Variants in RSPH14 observed in about 807,000 individuals in gnomAD.
RSPH14 encodes radial spoke head 14 homolog, also known as rhabdoid tumor deletion region gene 1.
Under a neutral mutation model 26.7 loss-of-function variants are expected in RSPH14, and 20 were observed. That is an observed-to-expected ratio of 0.75 (90% CI 0.53 to 1.09). RSPH14 has a LOEUF of 1.09. RSPH14 is among the 50% of genes least tolerant of loss of function. RSPH14 has a pLI of 0.00. For missense variants in RSPH14, 449 were observed against 457.2 expected, an observed-to-expected ratio of 0.98 and a Z score of 0.16; for synonymous variants, 177 against 189.3, an observed-to-expected ratio of 0.93 and a Z score of 0.53.
chr22:23,104,181 T>C (rs1045685892), intron 4 of RSPH14, among the ~76,000 whole-genome samples: 14 of 152,138 alleles, frequency 9.2e-5, no homozygotes, highest in Non-Finnish European at 1.5e-5. Flanking sequence ...CACAGAGCTA[T>C]GCACAGTGCC....
the RSPH14 span, chr22:23,158,053 G>A: frequency 1.9e-6 from 3 of 1,614,068 alleles, no homozygotes; most frequent in South Asian, 2.2e-5. Context: ...GGTAAGTCTG[G>A]GCTCTCTGGC....
upstream of RSPH14, among the ~76,000 whole-genome samples, chr22:23,149,807 A>T (rs551497066): frequency 1.3e-5 from 2 of 152,344 alleles, no homozygotes; most frequent in Middle Eastern, 3.4e-3. Context: ...GCAGCAAGGG[A>T]ACTGCGGCCC....
intron 4 of RSPH14, chr22:23,124,214 GTTT>G: frequency 2.7e-5 from 4 of 145,474 alleles, no homozygotes; most frequent in South Asian, 1.1e-4. Flanking sequence ...TTGTTTTTTG[GTTT>G]TTTTTTTTTT....
At chr22:23,168,521 G>A in the RSPH14 span, among the ~76,000 whole-genome samples, 2 of 152,138 alleles carry the variant, frequency 1.3e-5, no homozygotes, top group African/African-American at 2.4e-5. Flanking sequence ...GACACCTGCC[G>A]CTTCAGGCAC....
chr22:23,071,820 G>A lies in RSPH14; in HGVS notation c.422-7687C>T, dbSNP rs2068386057. ...GAAGGACATGGGCACAGCTAAGCTG[G>A]GCATTGTGGGCAGAGAGGAGAGAAT... On this transcript the variant is annotated intron_variant, in intron 4 of 6. Coordinates refer to ENST00000216036, the MANE Select transcript of RSPH14 (RefSeq NM_014433.3). The surrounding 1 kb of genome is among the most constrained non-coding windows in gnomAD (Gnocchi z 4.1). Among the ~76,000 whole-genome samples the A allele has an allele frequency of 6.6e-6, 1 of 152,192 alleles. No homozygotes were observed. Among genetic ancestry groups the A allele is most frequent in the Non-Finnish European group, 1.5e-5 (1 of 68,030 alleles).
upstream of RSPH14, chr22:23,145,676 G>A: frequency 1.7e-6 from 2 of 1,171,088 alleles, no homozygotes; most frequent in Non-Finnish European, 2.3e-6. Context: ...ACTTGAAAGC[G>A]GCCTGCGGCC....
intron 4 of RSPH14, among the ~76,000 whole-genome samples, chr22:23,102,472 C>G (rs985351306): frequency 7.9e-5 from 12 of 152,260 alleles, no homozygotes; most frequent in Admixed American, 6.5e-4. Flanking sequence ...ACACTGGGAG[C>G]TTCCAAGGGT....
chr22:23,164,122 G>A, the RSPH14 span: 1 of 152,354 alleles, frequency 6.6e-6, no homozygotes, highest in East Asian at 1.9e-4. Flanking sequence ...GGTCCATTAG[G>A]AAGACCAGGT....
the RSPH14 span, among the ~76,000 whole-genome samples, chr22:23,169,531 A>C: frequency 6.6e-6 from 1 of 152,156 alleles, no homozygotes; most frequent in Non-Finnish European, 1.5e-5. Context: ...GCCATCTACA[A>C]TGTCTTGCCT....
intron 4 of RSPH14, among the ~76,000 whole-genome samples, chr22:23,121,999 G>A (rs941342453): frequency 6.6e-6 from 1 of 152,162 alleles, no homozygotes; most frequent in Non-Finnish European, 1.5e-5. Context: ...CTAAAGTGCT[G>A]GGATTACAGG....
upstream of RSPH14, chr22:23,145,492 G>A (rs1490555433): frequency 6.2e-7 from 1 of 1,607,622 alleles, no homozygotes; most frequent in Non-Finnish European, 8.5e-7. Flanking sequence ...CATGGTGATC[G>A]CCGCCGCTGG....
At chr22:23,066,503 G>C (rs773395133) in intron 4 of RSPH14, among the ~76,000 whole-genome samples, 3 of 152,190 alleles carry the variant, frequency 2.0e-5, no homozygotes, top group Non-Finnish European at 2.9e-5. Context: ...TCTGCTCCTA[G>C]AAATGCTTAG....
Position 23,141,364 on chromosome 22 carries a change from T to C in RSPH14, c.-53+585A>G, listed in dbSNP as rs568261382. ...AAAAAAAAAAAGTGATTAACTTTTA[T>C]TGCCGACACACACACACACTTTCAG... On this transcript the variant is annotated intron_variant, in intron 1 of 6. Coordinates refer to ENST00000216036, the MANE Select transcript of RSPH14 (RefSeq NM_014433.3). 7.2e-5 allele frequency among the ~76,000 whole-genome samples: 11 copies of C among 151,844 alleles called. No homozygotes were observed. The East Asian group carries it at 2.1e-3, about 29-fold the overall frequency.
chr22:23,094,374 T>A (rs2069065651), intron 4 of RSPH14, among the ~76,000 whole-genome samples: 1 of 152,032 alleles, frequency 6.6e-6, no homozygotes, highest in African/African-American at 2.4e-5. Context: ...TGCCCCTCCC[T>A]GCTGGCAGGA....
chr22:23,142,872 C>T (rs1384548518), upstream of RSPH14, among the ~76,000 whole-genome samples: 1 of 152,228 alleles, frequency 6.6e-6, no homozygotes, highest in Non-Finnish European at 1.5e-5. Flanking sequence ...TAGCCTAGTG[C>T]TCCAGTCCCT....
chr22:23,088,193 G>C (rs1466362205), intron 4 of RSPH14, among the ~76,000 whole-genome samples: 1 of 152,226 alleles, frequency 6.6e-6, no homozygotes, highest in East Asian at 1.9e-4. Flanking sequence ...TACTCACGCA[G>C]CAAGTCAAGT....
upstream of RSPH14, among the ~76,000 whole-genome samples, chr22:23,144,002 G>A (rs930110479): frequency 6.7e-6 from 1 of 148,462 alleles, no homozygotes; most frequent in African/African-American, 2.5e-5. Flanking sequence ...GCTGAGGCAG[G>A]AGAATCGCTT....
chr22:23,153,813 C>T, the RSPH14 span, among the ~76,000 whole-genome samples: 1 of 151,568 alleles, frequency 6.6e-6, no homozygotes, highest in African/African-American at 2.4e-5. Flanking sequence ...CTCAGCCTCC[C>T]AAGTAGGACA....
At chr22:23,105,185 C>G (rs893417502) in intron 4 of RSPH14, among the ~76,000 whole-genome samples, 1 of 152,244 alleles carries the variant, frequency 6.6e-6, no homozygotes, top group South Asian at 2.1e-4. Context: ...ACACCTTTTC[C>G]TGGCCTGTGG....
Sources: gnomAD v4.1 joint callset for allele counts (sites outside exome capture counted in the v4.1 genomes callset) on GRCh38, gnomAD v4.1.1 for gene constraint, Gnocchi (gnomAD v3.1) non-coding constraint, MANE v1.5 for transcripts, NCBI Gene and HGNC (gene_info 2026-07-23, HGNC 2026-07-21) for gene names.